PLD2: variants seen among roughly 807,000 people sequenced by gnomAD.
The protein encoded by PLD2 is choline phosphatase 2.
In PLD2, 101 loss-of-function variants were observed where a neutral mutation model predicts 119.8. The observed-to-expected ratio is 0.84, with a 90% confidence interval of 0.72 to 0.99. The LOEUF is 0.99. PLD2 is among the 50% of genes least tolerant of loss of function. The pLI is 0.00. For synonymous variants in PLD2, 494 were observed against 482.8 expected (o/e 1.02, Z -0.30); for missense variants, 1,164 against 1,226.8 (o/e 0.95, Z 0.76).
chr17:4,816,981 G>C lies in PLD2; in HGVS notation c.1627G>C (p.Val543Leu), dbSNP rs1286300046. Residue 543 changes from valine (V) to leucine (L), a missense_variant, in exon 16 of 25, where the codon GTT becomes CTT. By Grantham distance (32) the Val-to-Leu change is conservative (BLOSUM62 1). Transcript: ENST00000263088. ...GACCCCTCGGATGCCATGGCGGGAC[G>C]TTGGGGTGGTCGTCCATGGCCTACC... is the stretch of plus-strand genomic sequence containing the variant. ...ETTPRMPWRDVGVVVHGLPAR... is the reference protein window; with the variant it reads ...ETTPRMPWRDLGVVVHGLPAR... 2 of 1,614,068 alleles carry C rather than the reference G, an allele frequency of 1.2e-6. No homozygotes were observed. Among genetic ancestry groups the C allele is most frequent in the Admixed American group, 1.7e-5 (1 of 60,032 alleles).
rs755949788 is a variant in PLD2, at chr17:4,808,238, C to G, written c.241-36C>G. ...GCCAGAGTGGGGAGGCGGGGACCCA[C>G]GCAGGGGACATCCATTCAGTTCCTC... is the stretch of plus-strand genomic sequence containing the variant. On this transcript the variant is annotated intron_variant, in intron 3 of 24. Coordinates refer to ENST00000263088, the MANE Select transcript of PLD2 (RefSeq NM_002663.5). The surrounding 1 kb of genome is among the most constrained non-coding windows in gnomAD (Gnocchi z 4.1). The G allele has an allele frequency of 5.0e-6, 8 of 1,609,674 alleles. No individual in the cohort carries two copies. Among genetic ancestry groups the G allele is most frequent in the African/African-American group, 1.3e-5 (1 of 74,850 alleles).
Position 4,809,502 on chromosome 17 carries a change from C to A in PLD2, c.565C>A (p.Leu189Met), listed in dbSNP as rs746667081. Residue 189 changes from leucine to methionine, a missense_variant, in exon 7 of 25, where the codon CTG becomes ATG. Transcript: ENST00000263088. The part of the protein sequence containing the change: ...YRNYHAMTEF[L>M]EVSQLSFIPD... The stretch of plus-strand genomic sequence containing the variant: ...TTGTTTTCCTCTGCAGACAGAGTTC[C>A]TGGAAGTCAGTCAGCTGTCCTTTAT... 1.9e-6 allele frequency: 3 copies of A among 1,607,858 alleles called. No homozygotes were observed. Among genetic ancestry groups the A allele is most frequent in the Non-Finnish European group, 2.6e-6 (3 of 1,176,396 alleles).
chr17:4,816,360 G>A (rs1270983032), intron 14 of PLD2, among the ~76,000 whole-genome samples: 1 of 149,884 alleles, frequency 6.7e-6, no homozygotes, highest in African/African-American at 2.5e-5. Context: ...TCCACCCTGG[G>A]CAACAGAGCG....
At position 4,819,350 on chromosome 17, in the gene PLD2, AG is replaced by A; in HGVS notation, c.2309-78del. On this transcript the variant is annotated intron_variant, in intron 22 of 24. Transcript: ENST00000263088. The surrounding 1 kb of genome is among the most constrained non-coding windows in gnomAD (Gnocchi z 4.2). Reference sequence around the variant, plus strand: ...GGTCCAAGAAGGAATGTTGCAGGCCAGTGCTTTGGTAGAGGGGATGGGGTAC... The same window carrying A: ...GGTCCAAGAAGGAATGTTGCAGGCCATGCTTTGGTAGAGGGGATGGGGTAC... 1 of 1,602,810 alleles carries A rather than the reference AG, an allele frequency of 6.2e-7. No individual in the cohort carries two copies. Among genetic ancestry groups the A allele is most frequent in the Admixed American group, 1.7e-5 (1 of 59,114 alleles).
chr17:4,815,875 G>C lies in PLD2; in HGVS notation c.1396G>C (p.Asp466His). The C allele has an allele frequency of 6.2e-7, 1 of 1,614,102 alleles. No individual in the cohort carries two copies. The highest frequency in any genetic ancestry group is 8.5e-7 in the Non-Finnish European group (1 of 1,180,020). The change falls in exon 14 of 25, where the codon GAT becomes CAT. Residue 466 changes from aspartate (D) to histidine (H), a missense_variant. By Grantham distance (81) the Asp-to-His change is moderately conservative (BLOSUM62 -1). Coordinates refer to ENST00000263088, the MANE Select transcript of PLD2 (RefSeq NM_002663.5). ...ACTGGACCTTGCCTATGGCCGCTGG[G>C]ATGACCTGCACTACCGACTGACTGA... Reference protein sequence around the residue: ...GGLDLAYGRWDDLHYRLTDLG... With the variant: ...GGLDLAYGRWHDLHYRLTDLG...
chr17:4,819,200 G>T lies in PLD2; in HGVS notation c.2290G>T (p.Asp764Tyr). The stretch of plus-strand genomic sequence containing the variant: ...CCACAGCAAGGTGCTCATCGCAGAT[G>T]ACCGGACAGTCATCATTGGTCAGTG... ...YIHSKVLIAD[D>Y]RTVIIGSANI... is the part of the protein sequence containing the mutation. Residue 764 changes from aspartate (D) to tyrosine (Y), a missense_variant, in exon 22 of 25, where the codon GAC becomes TAC. Transcript: ENST00000263088. The surrounding 1 kb of genome is among the most constrained non-coding windows in gnomAD (Gnocchi z 4.2). 1 of 1,614,146 alleles carries T rather than the reference G, an allele frequency of 6.2e-7. No individual in the cohort carries two copies. The highest frequency in any genetic ancestry group is 1.1e-5 in the South Asian group (1 of 91,080).
Position 4,807,803 on chromosome 17 carries a change from A to C in PLD2, c.31A>C (p.Thr11Pro). 6.2e-7 allele frequency: 1 copy of C among 1,611,416 alleles called. No homozygotes were observed. Among genetic ancestry groups the C allele is most frequent in the Non-Finnish European group, 8.5e-7 (1 of 1,179,080 alleles). Residue 11 changes from threonine (T) to proline (P), a missense_variant, in exon 2 of 25, where the codon ACT (threonine) becomes CCT (proline). Thr to Pro is a conservative substitution (Grantham distance 38). Coordinates refer to ENST00000263088, the MANE Select transcript of PLD2 (RefSeq NM_002663.5). The surrounding 1 kb of genome is among the most constrained non-coding windows in gnomAD (Gnocchi z 5.4). MTATPESLFP[T>P]GDELDSSQLQ... is the part of the protein sequence containing the mutation. ...GGCGACCCCTGAGAGCCTCTTCCCC[A>C]CTGGGGACGAACTGGACTCCAGCCA...
At position 4,819,025 on chromosome 17, in the gene PLD2, G is replaced by A; in HGVS notation, c.2174-59G>A. The A allele has an allele frequency of 6.2e-7, 1 of 1,602,230 alleles. No homozygotes were observed. The highest frequency in any genetic ancestry group is 1.3e-5 in the African/African-American group (1 of 74,876). On this transcript the variant is annotated intron_variant, in intron 21 of 24. Transcript: ENST00000263088. This position sits in a 1 kb window ranked among gnomAD's most constrained non-coding sequence, Gnocchi z 4.2. ...AGAGTTTCTGGAGTGAGAGGAGGTGGGACAGGGCCCTGTGCACACAGAGCC... is the reference window on the plus strand; with the variant it reads ...AGAGTTTCTGGAGTGAGAGGAGGTGAGACAGGGCCCTGTGCACACAGAGCC...
At chr17:4,811,925 C>T (rs1906515326) in intron 10 of PLD2, among the ~76,000 whole-genome samples, 1 of 152,120 alleles carries the variant, frequency 6.6e-6, no homozygotes. Context: ...AATCATCCTC[C>T]TGCCTCAGCC....
chr17:4,807,717 G>T lies in PLD2; in HGVS notation c.-1-55G>T, dbSNP rs1597318016. ...ATGGAGGACCTGCGGGAGTTAGGAT[G>T]GGGGGCGGGTTCTGCAGGACAGCTC... On this transcript the variant is annotated intron_variant, in intron 1 of 24. Transcript: ENST00000263088. The surrounding 1 kb of genome is among the most constrained non-coding windows in gnomAD (Gnocchi z 5.4). 1.0e-6 allele frequency: 1 copy of T among 965,422 alleles called. No homozygotes were observed. Among genetic ancestry groups the T allele is most frequent in the Non-Finnish European group, 1.6e-6 (1 of 616,206 alleles). The allele number at this position is 965,422 out of a possible 1,614,324, so 59.8% of individuals were successfully genotyped here. A position where few individuals can be genotyped will look rare whatever the true frequency, so the allele number is the denominator to read the frequency against.
At chr17:4,822,532 ACGGGG>A in intron 24 of PLD2, 103 bp from the exon 25 acceptor site, 1 of 689,872 alleles carries the variant, frequency 1.4e-6, no homozygotes, top group Non-Finnish European at 2.4e-6. Context: ...CCCAGGGTCA[ACGGGG>A]GGTATGGAGA....
rs1239298823 is a variant in PLD2, at chr17:4,822,839, TGATC to T, written c.2778_2781del (p.Met926IlefsTer3). 1 of 1,608,900 alleles carries T rather than the reference TGATC, an allele frequency of 6.2e-7. No individual in the cohort carries two copies. The highest frequency in any genetic ancestry group is 8.5e-7 in the Non-Finnish European group (1 of 1,175,506). ...CCCCCGCTGGGTAGCAAGGAGGGCA[TGATC>T]CCCCTAGAAGTGTGGACATAGTTGA... On this transcript the variant is annotated frameshift_variant, in exon 25 of 25. Transcript: ENST00000263088. LOFTEE classifies it high-confidence loss of function.
At position 4,820,974 on chromosome 17, in the gene PLD2, C is replaced by T. The variant is rs529372495; in HGVS notation, c.2463-819C>T. Among the ~76,000 whole-genome samples the T allele has an allele frequency of 2.7e-4, 40 of 150,494 alleles. 1 individual carries two copies. In the South Asian group the frequency reaches 4.0e-3, roughly 15 times the overall value. On this transcript the variant is annotated intron_variant, in intron 23 of 24. Coordinates refer to ENST00000263088, the MANE Select transcript of PLD2 (RefSeq NM_002663.5). ...CTGGAGTGCAGTGGCGCGATCTCGG[C>T]TCACTGCAAGCTCCGCCTCCCGGGT...
chr17:4,821,727 C>G, intron 23 of PLD2, 66 bp from the exon 24 acceptor site: 14 of 1,169,908 alleles, frequency 1.2e-5, no homozygotes. Flanking sequence ...GACAATGTAA[C>G]TTTTCTGGTA....
At chr17:4,818,847 C>A (rs757726778) in intron 21 of PLD2, 24 bp downstream of exon 21, 1 of 1,611,792 alleles carries the variant, frequency 6.2e-7, no homozygotes, top group Non-Finnish European at 8.5e-7. Flanking sequence ...GCTGGGGGCT[C>A]AAGCCCTGGG....
intron 10 of PLD2, among the ~76,000 whole-genome samples, chr17:4,811,881 C>T (rs1177616596): frequency 1.3e-5 from 2 of 152,128 alleles, no homozygotes; most frequent in East Asian, 3.9e-4. Context: ...GTAGTGTGAT[C>T]ATGGCTCACG....
intron 19 of PLD2, 50 bp downstream of exon 19, chr17:4,818,435 G>C: frequency 1.2e-6 from 2 of 1,602,970 alleles, no homozygotes; most frequent in Non-Finnish European, 1.7e-6. Context: ...GTTTGAGCCC[G>C]GTTGAAGGGG....
Position 4,818,627 on chromosome 17 carries a change from C to T in PLD2, c.2123+20C>T, listed in dbSNP as rs1438696268. On this transcript the variant is annotated intron_variant, in intron 20 of 24. Coordinates refer to ENST00000263088, the MANE Select transcript of PLD2 (RefSeq NM_002663.5). The stretch of plus-strand genomic sequence containing the variant: ...TTACAGGTGACCCCCCAGGCGGACT[C>T]CAGCTCTCAGTGGCCCCATCCCACC... 9.5e-6 allele frequency: 15 copies of T among 1,586,798 alleles called. No homozygotes were observed. Among genetic ancestry groups the T allele is most frequent in the Middle Eastern group, 1.7e-4 (1 of 6,042 alleles).
Position 4,816,735 on chromosome 17 carries a change from G to T in PLD2, c.1571G>T (p.Arg524Leu). Residue 524 changes from arginine to leucine, a missense_variant, in exon 15 of 25, where the codon CGG (arginine) becomes CTG (leucine). Coordinates refer to ENST00000263088, the MANE Select transcript of PLD2 (RefSeq NM_002663.5). ...ACCAAGGACTGGGTGCAGCTGGACC[G>T]GCCTTTCGAAGGTGAAGCCTCCCAC... Reference protein sequence around the residue: ...LITKDWVQLDRPFEDFIDRET... With the variant: ...LITKDWVQLDLPFEDFIDRET... 3.1e-6 allele frequency: 5 copies of T among 1,614,184 alleles called. No individual in the cohort carries two copies. Among genetic ancestry groups the T allele is most frequent in the Non-Finnish European group, 4.2e-6 (5 of 1,180,040 alleles).
Sources: gnomAD v4.1 joint callset for allele counts (sites outside exome capture counted in the v4.1 genomes callset) on GRCh38, gnomAD v4.1.1 for gene constraint, Gnocchi (gnomAD v3.1) non-coding constraint, MANE v1.5 for transcripts, NCBI Gene and HGNC (gene_info 2026-07-23, HGNC 2026-07-21) for gene names.